The following PDE1C variants were observed in gnomAD, a reference collection of about 807,000 sequenced individuals.
The protein encoded by PDE1C is phosphodiesterase 1C, also known as dual specificity calcium/calmodulin-dependent 3',5'-cyclic nucleotide phosphodiesterase 1C.
PDE1C carries 62 observed loss-of-function variants against 93.1 expected under a neutral mutation model. The ratio of observed to expected loss-of-function variants is 0.67; its 90% CI spans 0.54 to 0.82. The LOEUF is 0.82. Ranked by LOEUF, PDE1C falls within the 40% of genes least tolerant of loss-of-function variation. The pLI, the probability that PDE1C is intolerant of heterozygous loss-of-function variation, is 0.00. For missense variants in PDE1C, 742 were observed against 884.6 expected, an observed-to-expected ratio of 0.84 and a Z score of 2.04; for synonymous variants, 325 against 310.1, an observed-to-expected ratio of 1.05 and a Z score of -0.50.
intron 2 of PDE1C, among the ~76,000 whole-genome samples, chr7:31,950,600 T>C (rs1407964023): frequency 6.6e-6 from 1 of 152,206 alleles, no homozygotes; most frequent in African/African-American, 2.4e-5. Context: ...TGACTCCACT[T>C]CCTTTCTCTT....
chr7:32,280,706 T>A (rs1379267668), intron 1 of PDE1C, among the ~76,000 whole-genome samples: 10 of 152,036 alleles, frequency 6.6e-5, no homozygotes, highest in Non-Finnish European at 1.5e-4. Context: ...CCATCAAGAA[T>A]AAAAATGAGC....
the PDE1C span, among the ~76,000 whole-genome samples, chr7:31,678,323 A>G: frequency 0.022 from 3,341 of 152,306 alleles, 123 homozygotes; most frequent in African/African-American, 0.076. Flanking sequence ...TCCAGATAGT[A>G]GATCATATCA....
chr7:31,793,987 ACCAGATAG>A (rs1784886413), intron 16 of PDE1C, among the ~76,000 whole-genome samples: 1 of 147,650 alleles, frequency 6.8e-6, no homozygotes, highest in African/African-American at 2.5e-5. Context: ...ACATAGATAA[ACCAGATAG>A]ATAGATAGAT....
At chr7:31,772,432 G>A (rs1191279785) in intron 17 of PDE1C, among the ~76,000 whole-genome samples, 1 of 151,770 alleles carries the variant, frequency 6.6e-6, no homozygotes, top group Non-Finnish European at 1.5e-5. Context: ...TTGCTCCACA[G>A]GATTCAAGCT....
chr7:32,391,423 C>G (rs1784747812), intron 1 of PDE1C, among the ~76,000 whole-genome samples: 1 of 152,116 alleles, frequency 6.6e-6, no homozygotes, highest in Admixed American at 6.5e-5. Flanking sequence ...AACATCCACT[C>G]TGAATAATGA....
At chr7:31,965,001 T>TG (rs983220735) in intron 2 of PDE1C, among the ~76,000 whole-genome samples, 2 of 151,662 alleles carry the variant, frequency 1.3e-5, no homozygotes, top group Admixed American at 1.3e-4. Context: ...ACCACAAAGA[T>TG]GGGGAAAAAA....
In PDE1C at chr7:32,420,254, CATGTGT is replaced by C. The variant is rs1350815371; in HGVS notation, c.310+7562_310+7567del. On this transcript the variant is annotated intron_variant, in intron 1 of 1. Coordinates refer to the PDE1C transcript ENST00000672256. Reference sequence around the variant, plus strand: ...ATGTATATATATGTGTATATATATACATGTGTATATATATGTGTATATATATACATG... The same window carrying C: ...ATGTATATATATGTGTATATATATACATATATATGTGTATATATATACATG... Among the ~76,000 whole-genome samples, 6 of 30,156 alleles carry C rather than the reference CATGTGT, an allele frequency of 2.0e-4. 2 individuals are homozygous for C. Among genetic ancestry groups the C allele is most frequent in the Non-Finnish European group, 4.0e-4 (6 of 14,818 alleles). The allele number at this position is 30,156 out of a possible 152,430, so 19.8% of individuals were successfully genotyped here. A position where few individuals can be genotyped will look rare whatever the true frequency, so the allele number is the denominator to read the frequency against.
chr7:31,850,646 C>G lies in PDE1C; in HGVS notation c.846G>C (p.Gln282His). 6.2e-7 allele frequency: 1 copy of G among 1,608,842 alleles called. No individual in the cohort carries two copies. Among genetic ancestry groups the G allele is most frequent in the Non-Finnish European group, 8.5e-7 (1 of 1,175,318 alleles). ...AAACATTTAAACACCCTCACCGAGT[C>G]TGAATGTGGAAATTGTTGGTGGTTC... ...HTGTTNNFHIQTRSDPAILYN... is the reference protein window; with the variant it reads ...HTGTTNNFHIHTRSDPAILYN... Residue 282 changes from glutamine (Q) to histidine (H), a missense_variant, in exon 8 of 18, where the codon CAG becomes CAC. By Grantham distance (24) the Gln-to-His change is conservative. Around this residue, in one of 4 missense-constraint regions of PDE1C, gnomAD observed 205 missense variants for 295.3 expected, o/e 0.69. Coordinates refer to ENST00000396191, the MANE Select transcript of PDE1C (RefSeq NM_001191057.4).
At position 31,846,175 on chromosome 7, in the gene PDE1C, T is replaced by C. The variant is rs144251327; in HGVS notation, c.980+1793A>G. On this transcript the variant is annotated intron_variant, in intron 9 of 17. Transcript: ENST00000396191. ...GCTTGCATAATTGCCTCTTAACATA[T>C]TTTCCAAACATACGTATGCTACTTC... Among the ~76,000 whole-genome samples, 458 of 152,182 alleles carry C rather than the reference T, an allele frequency of 3.0e-3. 3 individuals carry two copies. The highest frequency in any genetic ancestry group is 0.01 in the African/African-American group (420 of 41,528).
chr7:32,298,386 C>G (rs1812762278), intron 1 of PDE1C, among the ~76,000 whole-genome samples: 1 of 152,116 alleles, frequency 6.6e-6, no homozygotes, highest in Non-Finnish European at 1.5e-5. Flanking sequence ...GCCAGGAAAC[C>G]GAGCAGTTCG....
At chr7:31,746,422 C>G (rs1265883296), downstream of PDE1C, among the ~76,000 whole-genome samples, 2 of 152,134 alleles carry the variant, frequency 1.3e-5, no homozygotes, top group African/African-American at 4.8e-5. Flanking sequence ...ACACTTACAG[C>G]ACTCCAAGAC....
At chr7:31,861,010 A>T (rs954502347) in intron 7 of PDE1C, among the ~76,000 whole-genome samples, 5 of 151,786 alleles carry the variant, frequency 3.3e-5, no homozygotes, top group African/African-American at 1.2e-4. Context: ...CTCACCTGCA[A>T]TTTTTTTTCT....
At chr7:31,642,129 C>A in the PDE1C span, 2 of 1,391,890 alleles carry the variant, frequency 1.4e-6, no homozygotes, top group South Asian at 1.3e-5. Context: ...GTCCTGCTGG[C>A]TGCGTGTTTT....
chr7:32,266,537 T>C (rs1290525086), intron 1 of PDE1C, among the ~76,000 whole-genome samples: 2 of 152,124 alleles, frequency 1.3e-5, no homozygotes, highest in Non-Finnish European at 2.9e-5. Context: ...GATTACATGC[T>C]AATTGATGGG....
At chr7:31,972,726 A>T (rs1811123534) in intron 2 of PDE1C, among the ~76,000 whole-genome samples, 1 of 152,170 alleles carries the variant, frequency 6.6e-6, no homozygotes, top group Non-Finnish European at 1.5e-5. Flanking sequence ...GGAGCAGCAC[A>T]GCAACCTAAA....
chr7:31,749,805 T>C (rs1194907486), downstream of PDE1C, among the ~76,000 whole-genome samples: 1 of 149,094 alleles, frequency 6.7e-6, no homozygotes, highest in Non-Finnish European at 1.5e-5. Flanking sequence ...TAGCACCATC[T>C]TGGCTCACTG....
the PDE1C span, among the ~76,000 whole-genome samples, chr7:31,636,117 C>A: frequency 6.6e-6 from 1 of 152,098 alleles, no homozygotes; most frequent in African/African-American, 2.4e-5. Flanking sequence ...TGAGAACTCA[C>A]TCACTGTCAC....
chr7:31,888,521 G>A (rs953206146), intron 2 of PDE1C, among the ~76,000 whole-genome samples: 2 of 151,928 alleles, frequency 1.3e-5, no homozygotes, highest in Admixed American at 6.6e-5. Flanking sequence ...CAATATCAAG[G>A]ATAAAAAGAG....
chr7:31,967,630 T>C (rs532010752), intron 2 of PDE1C, among the ~76,000 whole-genome samples: 2 of 152,298 alleles, frequency 1.3e-5, no homozygotes, highest in East Asian at 3.9e-4. Flanking sequence ...ATCATCCTGA[T>C]ACCAAAGCCT....
Sources: allele counts gnomAD v4.1 joint callset (sites outside exome capture counted in the v4.1 genomes callset), GRCh38; gene constraint gnomAD v4.1.1; regional missense constraint gnomAD v4.1.1; transcripts MANE v1.5; gene names NCBI Gene and HGNC (gene_info 2026-07-23, HGNC 2026-07-21).